CFAP54: variants seen among roughly 807,000 people sequenced by gnomAD.
CFAP54 encodes the protein cilia- and flagella-associated protein 54.
A neutral mutation model predicts 370.4 loss-of-function variants in CFAP54; 290 were observed. The observed-to-expected ratio is 0.78, with a 90% CI of 0.71 to 0.86. The LOEUF is 0.86. Among genes scored for constraint, CFAP54 ranks in the 40% least tolerant of loss-of-function variants. CFAP54 has a pLI of 0.00. For synonymous variants in CFAP54, 1,206 were observed against 1,236.5 expected (o/e 0.98, Z 0.52); for missense variants, 3,399 against 3,528.7 (o/e 0.96, Z 0.93).
intron 47 of CFAP54, among the ~76,000 whole-genome samples, chr12:96,705,869 T>C (rs976973436): frequency 1.3e-5 from 2 of 152,226 alleles, no homozygotes; most frequent in Non-Finnish European, 1.5e-5. Flanking sequence ...CACTGTTTGC[T>C]GTAGAGAGAA....
chr12:96,638,068 C>T (rs1250074452), intron 32 of CFAP54, among the ~76,000 whole-genome samples: 1 of 152,032 alleles, frequency 6.6e-6, no homozygotes, highest in Admixed American at 6.6e-5. Context: ...CATGAAGTGA[C>T]ACACACTGTA....
intron 32 of CFAP54, among the ~76,000 whole-genome samples, chr12:96,634,425 T>C (rs545987151): frequency 1.3e-5 from 2 of 152,282 alleles, no homozygotes; most frequent in African/African-American, 4.8e-5. Context: ...TGTCTTTTGC[T>C]CATTTTCTCA....
chr12:96,700,512 T>G (rs560772080), intron 46 of CFAP54, among the ~76,000 whole-genome samples: 16 of 152,332 alleles, frequency 1.1e-4, no homozygotes, highest in African/African-American at 3.8e-4. Context: ...TACCAAAGTT[T>G]TAAGAATGTG....
At chr12:96,684,869 T>C in intron 41 of CFAP54, 134 bp downstream of exon 41, 1 of 950,624 alleles carries the variant, frequency 1.1e-6, no homozygotes, top group South Asian at 1.6e-5. Flanking sequence ...ATTTTATTCA[T>C]CAAATGCTAC....
chr12:96,518,602 A>G (rs192340534), intron 5 of CFAP54, among the ~76,000 whole-genome samples: 135 of 152,260 alleles, frequency 8.9e-4, no homozygotes, highest in Non-Finnish European at 1.4e-3. Context: ...ATGAGAATCA[A>G]TTGAACCCAG....
intron 64 of CFAP54, among the ~76,000 whole-genome samples, chr12:96,812,664 C>T (rs1958939287): frequency 6.6e-6 from 1 of 152,120 alleles, no homozygotes; most frequent in South Asian, 2.1e-4. Flanking sequence ...AAAGCCTGTT[C>T]CATCACTAAC....
intron 22 of CFAP54, among the ~76,000 whole-genome samples, chr12:96,584,984 AAG>A (rs1471933274): frequency 1.2e-4 from 18 of 150,728 alleles, no homozygotes; most frequent in African/African-American, 4.5e-4. Context: ...ATTCCTGGGA[AAG>A]AGAATGTGAT....
chr12:96,749,769 T>C (rs922831281), intron 55 of CFAP54, among the ~76,000 whole-genome samples: 38 of 152,218 alleles, frequency 2.5e-4, no homozygotes, highest in African/African-American at 9.2e-4. Context: ...TAATCAGTTT[T>C]ATTTTACTAC....
At position 96,743,759 on chromosome 12, in the gene CFAP54, A is replaced by T; in HGVS notation, c.7406A>T (p.Glu2469Val). The change falls in exon 54 of 68, where the codon GAA becomes GTA. Residue 2469 changes from glutamate to valine, a missense_variant. Around this residue, in one of 3 missense-constraint regions of CFAP54, gnomAD observed 2,796 missense variants for 2,869.7 expected, o/e 0.97. Coordinates refer to ENST00000524981, the MANE Select transcript of CFAP54 (RefSeq NM_001306084.2). ...QDIIHLLEGN[E>V]FISPQSRLTL... ...ATAATACATTTGCTGGAAGGAAATG[A>T]ATTTATTTCTCCTCAATCACGGCTA... 2 of 1,609,486 alleles carry T rather than the reference A, an allele frequency of 1.2e-6. No individual in the cohort carries two copies. The highest frequency in any genetic ancestry group is 2.2e-5 in the South Asian group (2 of 90,062).
intron 50 of CFAP54, among the ~76,000 whole-genome samples, chr12:96,727,396 C>T (rs1270277120): frequency 6.8e-6 from 1 of 147,576 alleles, no homozygotes; most frequent in Non-Finnish European, 1.5e-5. Context: ...ATAGTTAGCG[C>T]TTCTTGTTGA....
chr12:96,832,864 A>T (rs1453174635), intron 66 of CFAP54, among the ~76,000 whole-genome samples: 1 of 152,206 alleles, frequency 6.6e-6, no homozygotes, highest in Non-Finnish European at 1.5e-5. Context: ...CTTCCAGCTA[A>T]CTTCCACTGA....
At chr12:96,734,737 A>T (rs1287279359) in intron 50 of CFAP54, among the ~76,000 whole-genome samples, 1 of 152,212 alleles carries the variant, frequency 6.6e-6, no homozygotes, top group Non-Finnish European at 1.5e-5. Flanking sequence ...ATACAATTAA[A>T]TAACAGAATC....
chr12:96,629,423 C>A (rs1186357697), intron 30 of CFAP54, among the ~76,000 whole-genome samples: 1 of 151,878 alleles, frequency 6.6e-6, no homozygotes, highest in East Asian at 1.9e-4. Flanking sequence ...CCTGCCTCAG[C>A]CTCCCAAGTA....
intron 36 of CFAP54, among the ~76,000 whole-genome samples, chr12:96,655,548 A>G (rs1199272086): frequency 6.6e-6 from 1 of 152,200 alleles, no homozygotes; most frequent in Non-Finnish European, 1.5e-5. Flanking sequence ...CAGTTAGAAT[A>G]CTTACATTTA....
intron 53 of CFAP54, 75 bp from the exon 54 acceptor site, chr12:96,743,656 A>G: frequency 6.4e-7 from 1 of 1,563,930 alleles, no homozygotes; most frequent in Non-Finnish European, 8.7e-7. Flanking sequence ...TGAATGCATA[A>G]CAATTAACAT....
intron 65 of CFAP54, among the ~76,000 whole-genome samples, chr12:96,826,795 TATA>T (rs1365939592): frequency 5.3e-5 from 6 of 112,718 alleles, no homozygotes; most frequent in Admixed American, 4.7e-4. Context: ...ATAAATAATA[TATA>T]ATTATATATT....
chr12:96,589,231 C>T (rs1956102601), intron 22 of CFAP54, among the ~76,000 whole-genome samples, 196 bp from the exon 23 acceptor site: 1 of 152,220 alleles, frequency 6.6e-6, no homozygotes, highest in African/African-American at 2.4e-5. Context: ...AAAAATGTAT[C>T]TGTCTCCCTT....
intron 66 of CFAP54, among the ~76,000 whole-genome samples, chr12:96,832,338 A>G (rs981412996): frequency 6.6e-6 from 1 of 151,620 alleles, no homozygotes; most frequent in African/African-American, 2.4e-5. Context: ...TATACAATTT[A>G]TAATGTCAAT....
chr12:96,807,492 A>AT (rs1958894294), intron 63 of CFAP54, among the ~76,000 whole-genome samples: 1 of 152,182 alleles, frequency 6.6e-6, no homozygotes, highest in South Asian at 2.1e-4. Context: ...CATAAGATAC[A>AT]TTTTAAATTC....
Sources: allele counts gnomAD v4.1 joint callset (sites outside exome capture counted in the v4.1 genomes callset), GRCh38; gene constraint gnomAD v4.1.1; regional missense constraint gnomAD v4.1.1; transcripts MANE v1.5; gene names NCBI Gene and HGNC (gene_info 2026-07-23, HGNC 2026-07-21).